The following PDE7B variants were observed in gnomAD, a reference collection of about 807,000 sequenced individuals.
PDE7B encodes phosphodiesterase 7B.
A neutral mutation model predicts 56.2 loss-of-function variants in PDE7B; 29 were observed. The ratio of observed to expected loss-of-function variants is 0.52; its 90% CI spans 0.38 to 0.70. PDE7B has a LOEUF of 0.70. PDE7B is among the 30% of genes least tolerant of loss of function. The pLI, the probability that PDE7B is intolerant of heterozygous loss-of-function variation, is 0.00. For missense variants in PDE7B, 490 were observed against 565.0 expected (o/e 0.87, Z 1.35); for synonymous variants, 197 against 196.9 (o/e 1.00, Z 0.00).
At chr6:135,986,524 A>C (rs1775379478) in intron 2 of PDE7B, among the ~76,000 whole-genome samples, 2 of 152,224 alleles carry the variant, frequency 1.3e-5, no homozygotes, top group South Asian at 2.1e-4. Flanking sequence ...AAATGTGGTT[A>C]TGTTTTCAGT....
At chr6:135,906,810 GTTTTTTTT>G (rs869049424) in intron 1 of PDE7B, among the ~76,000 whole-genome samples, 2 of 59,506 alleles carry the variant, frequency 3.4e-5, no homozygotes, top group Admixed American at 2.5e-4. Context: ...AATGAGGTTT[GTTTTTTTT>G]TTTTTTTTTT....
rs979848865 is a variant in PDE7B at position 136,164,404 on chromosome 6, A to G, written c.711+8646A>G. ...TGGATTATAGGAACTACAATTCAAGATGAGATTTGGATGGGGACACAGCCA... is the reference window on the plus strand; with the variant it reads ...TGGATTATAGGAACTACAATTCAAGGTGAGATTTGGATGGGGACACAGCCA... On this transcript the variant is annotated intron_variant, in intron 8 of 12. Transcript: ENST00000308191. Among the ~76,000 whole-genome samples, 2 of 152,184 alleles carry G rather than the reference A, an allele frequency of 1.3e-5. 1 individual carries two copies. The highest frequency in any genetic ancestry group is 2.9e-5 in the Non-Finnish European group (2 of 68,022).
chr6:136,098,263 T>C lies in PDE7B; in HGVS notation c.83-10468T>C, dbSNP rs569460777. On this transcript the variant is annotated intron_variant, in intron 2 of 12. Transcript: ENST00000308191. ...AAGAGAGAGTAGACTACAAAGAAAA[T>C]GGACACTCAAAATGGAGAGGTAGTA... Among the ~76,000 whole-genome samples, 3 of 147,982 alleles carry C rather than the reference T, an allele frequency of 2.0e-5. No individual in the cohort carries two copies. In the Admixed American group the frequency reaches 2.1e-4, roughly 10 times the overall value.
At chr6:135,926,171 C>G (rs1417585358) in intron 1 of PDE7B, among the ~76,000 whole-genome samples, 1 of 150,166 alleles carries the variant, frequency 6.7e-6, no homozygotes, top group Non-Finnish European at 1.5e-5. Flanking sequence ...ACTGCAAGCT[C>G]CGCCTCCTGG....
intron 3 of PDE7B, among the ~76,000 whole-genome samples, chr6:136,144,342 A>G (rs1326845210): frequency 6.6e-6 from 1 of 152,056 alleles, no homozygotes; most frequent in Non-Finnish European, 1.5e-5. Context: ...TACTGCACAC[A>G]TTTTTGCTTA....
At chr6:136,144,179 C>T (rs1778375936) in intron 3 of PDE7B, among the ~76,000 whole-genome samples, 1 of 152,004 alleles carries the variant, frequency 6.6e-6, no homozygotes, top group African/African-American at 2.4e-5. Flanking sequence ...AAAGAGTGGT[C>T]TACACTTGAT....
At chr6:135,973,352 A>G (rs183093810) in intron 2 of PDE7B, among the ~76,000 whole-genome samples, 185 of 152,112 alleles carry the variant, frequency 1.2e-3, no homozygotes, top group Non-Finnish European at 2.0e-3. Context: ...TGCGTCTACC[A>G]TATTTTATTT....
At chr6:136,001,717 C>T (rs1775671059) in intron 2 of PDE7B, among the ~76,000 whole-genome samples, 2 of 152,204 alleles carry the variant, frequency 1.3e-5, no homozygotes, top group Admixed American at 1.3e-4. Context: ...ACCAAATCTA[C>T]ATCTGACTGG....
Position 136,121,901 on chromosome 6 carries a change from C to T in PDE7B, c.166+13087C>T, listed in dbSNP as rs183317271. ...AAAGGGTATTGCATAGTTGGAGGGA[C>T]GGTAATCAGAATTGATGTAAAATTA... On this transcript the variant is annotated intron_variant, in intron 3 of 12. Transcript: ENST00000308191. Among the ~76,000 whole-genome samples, 444 of 152,092 alleles carry T rather than the reference C, an allele frequency of 2.9e-3. 2 individuals carry two copies. Among genetic ancestry groups the T allele is most frequent in the African/African-American group, 0.01 (421 of 41,486 alleles).
intron 11 of PDE7B, among the ~76,000 whole-genome samples, chr6:136,185,592 A>T (rs6913492): frequency 0.16 from 24,204 of 149,202 alleles, 6,265 homozygotes; most frequent in African/African-American, 0.54. Flanking sequence ...ATCTCTATTT[A>T]AAAAAAAAAT....
intron 2 of PDE7B, among the ~76,000 whole-genome samples, chr6:136,021,504 C>T (rs1039480269): frequency 3.9e-5 from 6 of 151,954 alleles, no homozygotes; most frequent in Admixed American, 1.3e-4. Context: ...ACTGTCTGGG[C>T]GTGGTGGTGC....
At chr6:136,122,275 G>A (rs1412463610) in intron 3 of PDE7B, among the ~76,000 whole-genome samples, 1 of 152,176 alleles carries the variant, frequency 6.6e-6, no homozygotes, top group East Asian at 1.9e-4. Context: ...GATTACAGGC[G>A]TGAGCCACCA....
rs1371826655 is a variant in PDE7B, at chr6:136,194,162, T to A, written c.*2322T>A. The A allele has an allele frequency of 6.6e-6, 1 of 151,994 alleles. No individual in the cohort carries two copies. Among genetic ancestry groups the A allele is most frequent in the African/African-American group, 2.4e-5 (1 of 41,360 alleles). 9.4% of individuals were successfully genotyped at this position (151,994 alleles called of 1,614,324 possible). A position where few individuals can be genotyped will look rare whatever the true frequency, so the allele number is the denominator to read the frequency against. On this transcript the variant is annotated 3_prime_UTR_variant, in exon 13 of 13. Transcript: ENST00000308191. ...CAGTCTATTTTTAATGTATATGAGGTCAAATCAAGGAAGGCAATTGCTGGG... is the reference window on the plus strand; with the variant it reads ...CAGTCTATTTTTAATGTATATGAGGACAAATCAAGGAAGGCAATTGCTGGG...
At chr6:135,960,160 C>A (rs910996927) in intron 2 of PDE7B, among the ~76,000 whole-genome samples, 1 of 152,138 alleles carries the variant, frequency 6.6e-6, no homozygotes, top group Admixed American at 6.5e-5. Flanking sequence ...CCAGACTGGT[C>A]TACTTCCTAG....
intron 6 of PDE7B, 55 bp from the exon 7 acceptor site, chr6:136,154,020 A>G: frequency 8.7e-7 from 1 of 1,144,962 alleles, no homozygotes; most frequent in Non-Finnish European, 1.3e-6. Context: ...AGTCTAAGCT[A>G]GTATACCACT....
intron 2 of PDE7B, among the ~76,000 whole-genome samples, chr6:136,016,759 T>C (rs781126360): frequency 6.6e-6 from 1 of 152,036 alleles, no homozygotes; most frequent in Non-Finnish European, 1.5e-5. Context: ...GAAGGACTTC[T>C]GGGAGAAAAA....
At chr6:135,854,620 C>T (rs142511659) in intron 1 of PDE7B, among the ~76,000 whole-genome samples, 7 of 152,170 alleles carry the variant, frequency 4.6e-5, no homozygotes, top group Non-Finnish European at 7.4e-5. Flanking sequence ...CTCCTCATGG[C>T]GGCAGCCCCA....
intron 2 of PDE7B, among the ~76,000 whole-genome samples, chr6:136,001,203 T>A (rs1457566230): frequency 6.6e-6 from 1 of 152,054 alleles, no homozygotes; most frequent in Non-Finnish European, 1.5e-5. Context: ...CATCTGTACA[T>A]CACCATCATC....
intron 2 of PDE7B, among the ~76,000 whole-genome samples, chr6:136,004,701 A>G (rs1775743835): frequency 6.6e-6 from 1 of 152,216 alleles, no homozygotes; most frequent in African/African-American, 2.4e-5. Context: ...AGGAAATAAA[A>G]GAGGATACAA....
Sources: gnomAD v4.1 joint callset for allele counts (sites outside exome capture counted in the v4.1 genomes callset) on GRCh38, gnomAD v4.1.1 for gene constraint, MANE v1.5 for transcripts, NCBI Gene and HGNC (gene_info 2026-07-23, HGNC 2026-07-21) for gene names.